Variants in BNIP5 observed in about 807,000 individuals in gnomAD.
BNIP5 encodes protein BNIP5.
A neutral mutation model predicts 67.3 loss-of-function variants in BNIP5; 61 were observed. The ratio of observed to expected loss-of-function variants is 0.91; its 90% confidence interval spans 0.74 to 1.12. The LOEUF (loss-of-function observed/expected upper bound fraction) is 1.12. Among genes scored for constraint, BNIP5 ranks in the 50% most tolerant of loss-of-function variants. The pLI is 0.00. For synonymous variants in BNIP5, 317 were observed against 319.0 expected (o/e 0.99, Z 0.07); for missense variants, 826 against 816.3 (o/e 1.01, Z -0.14).
Position 36,323,295 on chromosome 6 carries a change from A to T in BNIP5, c.1469T>A (p.Leu490His), listed in dbSNP as rs141735134. The change falls in exon 8 of 12, where the codon CTT becomes CAT. Residue 490 changes from leucine to histidine, a missense_variant and splice_region_variant. Leu to His is a moderately conservative substitution (Grantham distance 99, BLOSUM62 -3). Transcript: ENST00000437635. Reference sequence around the variant, plus strand: ...ATGGCAACACCAGGCCTGCTCACCAAGGCTGCTGGAGGTGGAGGGCCGATG... The same window carrying T: ...ATGGCAACACCAGGCCTGCTCACCATGGCTGCTGGAGGTGGAGGGCCGATG... The part of the protein sequence containing the change: ...GGHRPSTSSS[L>H]DPEDLECREP... The T allele has an allele frequency of 9.9e-6, 16 of 1,614,144 alleles. No individual in the cohort carries two copies. The South Asian group carries it at 1.8e-4, about 18-fold the overall frequency.
intron 11 of BNIP5, among the ~76,000 whole-genome samples, chr6:36,317,806 AAATGAATG>A (rs71971570): frequency 3.3e-5 from 5 of 151,682 alleles, no homozygotes; most frequent in Non-Finnish European, 7.4e-5. Context: ...GCTACCAGTT[AAATGAATG>A]AATGAATGAA....
intron 1 of BNIP5, among the ~76,000 whole-genome samples, chr6:36,332,359 C>T (rs1322366543): frequency 2.6e-5 from 4 of 152,086 alleles, no homozygotes; most frequent in African/African-American, 9.7e-5. Flanking sequence ...CCCATCAGCA[C>T]ACCCTTTCCC....
Position 36,316,433 on chromosome 6 carries a change from C to T in BNIP5, c.*923G>A. ...CAAATACAAAAAATAGCCCTTTTCT[C>T]AAGACATGTTACTGCTACCAGCTGC... is the stretch of plus-strand genomic sequence containing the variant. On this transcript the variant is annotated 3_prime_UTR_variant, in exon 12 of 12. Transcript: ENST00000437635. The T allele has an allele frequency of 2.5e-6, 1 of 398,240 alleles. No homozygotes were observed. Among genetic ancestry groups the T allele is most frequent in the Non-Finnish European group, 4.4e-6 (1 of 226,068 alleles). 24.7% of individuals were successfully genotyped at this position (398,240 alleles called of 1,614,324 possible). A position where few individuals can be genotyped will look rare whatever the true frequency, so the allele number is the denominator to read the frequency against.
chr6:36,323,684 G>A lies in BNIP5; in HGVS notation c.1231-151C>T, dbSNP rs1017276622. 3 of 886,810 alleles carry A rather than the reference G, an allele frequency of 3.4e-6. No homozygotes were observed. The East Asian group carries it at 7.4e-5, about 22-fold the overall frequency. 54.9% of individuals were successfully genotyped at this position (886,810 alleles called of 1,614,324 possible). A position where few individuals can be genotyped will look rare whatever the true frequency, so the allele number is the denominator to read the frequency against. ...GCTGGGGAAATATGTGTGGTCTGGA[G>A]GGGGCTGGGGAAGCTTCAAGAAGGA... On this transcript the variant is annotated intron_variant, in intron 7 of 11. Coordinates refer to ENST00000437635, the MANE Select transcript of BNIP5 (RefSeq NM_001010903.5).
At chr6:36,318,722 CA>C (rs1279452456) in intron 11 of BNIP5, among the ~76,000 whole-genome samples, 1 of 150,682 alleles carries the variant, frequency 6.6e-6, no homozygotes, top group African/African-American at 2.4e-5. Context: ...GACCCTGTCT[CA>C]AAAAAAAATC....
In BNIP5 at chr6:36,316,895, G is replaced by A; in HGVS notation, c.*461C>T. 1 of 402,658 alleles carries A rather than the reference G, an allele frequency of 2.5e-6. No homozygotes were observed. The highest frequency in any genetic ancestry group is 4.4e-6 in the Non-Finnish European group (1 of 228,542). 24.9% of individuals were successfully genotyped at this position (402,658 alleles called of 1,614,324 possible). On this transcript the variant is annotated 3_prime_UTR_variant, in exon 12 of 12. Coordinates refer to ENST00000437635, the MANE Select transcript of BNIP5 (RefSeq NM_001010903.5). ...TACTGGTCAACTGAAGAAATGATGG[G>A]ATACACTTCGATGCATATCTGTTTG...
At chr6:36,328,932 C>G (rs1476769736) in intron 2 of BNIP5, among the ~76,000 whole-genome samples, 1 of 152,082 alleles carries the variant, frequency 6.6e-6, no homozygotes, top group Non-Finnish European at 1.5e-5. Flanking sequence ...CTCTCGCTAA[C>G]CCCCTCCCCG....
At chr6:36,328,891 T>C (rs1418364966) in intron 2 of BNIP5, among the ~76,000 whole-genome samples, 177 bp from the exon 3 acceptor site, 3 of 152,108 alleles carry the variant, frequency 2.0e-5, no homozygotes, top group African/African-American at 7.2e-5. Context: ...AGATTTTTAT[T>C]TGAGAAGAGG....
At chr6:36,323,609 C>A (rs1413160161) in intron 7 of BNIP5, 76 bp from the exon 8 acceptor site, 4 of 1,547,228 alleles carry the variant, frequency 2.6e-6, no homozygotes, top group Non-Finnish European at 3.5e-6. Context: ...GGAAAGAGAG[C>A]CACGGTGGGC....
chr6:36,327,146 C>G (rs1554141839), intron 3 of BNIP5, 52 bp from the exon 4 acceptor site: 8 of 1,470,894 alleles, frequency 5.4e-6, no homozygotes, highest in Non-Finnish European at 7.6e-6. Flanking sequence ...ACTGACAACT[C>G]CTTCTAAATT....
In BNIP5 at chr6:36,316,861, A is replaced by T. The variant is rs958482757; in HGVS notation, c.*495T>A. The T allele has an allele frequency of 5.0e-6, 2 of 401,348 alleles. No individual in the cohort carries two copies. The highest frequency in any genetic ancestry group is 8.8e-6 in the Non-Finnish European group (2 of 227,842). The allele number at this position is 401,348 out of a possible 1,614,324, so 24.9% of individuals were successfully genotyped here. A position where few individuals can be genotyped will look rare whatever the true frequency, so the allele number is the denominator to read the frequency against. On this transcript the variant is annotated 3_prime_UTR_variant, in exon 12 of 12. Coordinates refer to ENST00000437635, the MANE Select transcript of BNIP5 (RefSeq NM_001010903.5). ...GAGGCATCTACAAATCCATATGAGC[A>T]TGAAGAACTACTGGTCAACTGAAGA...
intron 1 of BNIP5, among the ~76,000 whole-genome samples, chr6:36,335,097 A>G (rs1771984970): frequency 6.6e-6 from 1 of 152,200 alleles, no homozygotes; most frequent in Non-Finnish European, 1.5e-5. Flanking sequence ...AACAGCAACA[A>G]AGAACCAGAG....
At chr6:36,320,848 C>T (rs916006681) in intron 10 of BNIP5, among the ~76,000 whole-genome samples, 9 of 152,208 alleles carry the variant, frequency 5.9e-5, no homozygotes, top group South Asian at 2.1e-4. Flanking sequence ...CTTCCAAGGA[C>T]GGGGGACATG....
intron 2 of BNIP5, 64 bp from the exon 3 acceptor site, chr6:36,328,778 CCTGA>C (rs535678118): frequency 0.012 from 11,374 of 985,484 alleles, 107 homozygotes; most frequent in Middle Eastern, 0.014. Flanking sequence ...GTGACATTCT[CCTGA>C]CTTTGTTCAT....
chr6:36,324,090 A>G, intron 7 of BNIP5, 39 bp downstream of exon 7: 1 of 1,538,640 alleles, frequency 6.5e-7, no homozygotes, highest in Non-Finnish European at 9.0e-7. Flanking sequence ...TGGGGAGCCC[A>G]CAGTGAGGTC....
At chr6:36,329,939 A>AGGGAGGAAGGGT in intron 2 of BNIP5, 142 bp downstream of exon 2, 2 of 804,298 alleles carry the variant, frequency 2.5e-6, no homozygotes, top group Non-Finnish European at 3.9e-6. Flanking sequence ...GGAGGAAGGG[A>AGGGAGGAAGGGT]GGGAGGAAGG....
intron 1 of BNIP5, among the ~76,000 whole-genome samples, chr6:36,332,955 T>G (rs907175572): frequency 6.6e-6 from 1 of 152,250 alleles, no homozygotes; most frequent in Non-Finnish European, 1.5e-5. Context: ...ATTATAGCTT[T>G]AGCATGCATT....
chr6:36,324,571 GATATTATATATATAT>G (rs1771712737), intron 6 of BNIP5, among the ~76,000 whole-genome samples: 7 of 74,242 alleles, frequency 9.4e-5, no homozygotes, highest in South Asian at 4.9e-4. Flanking sequence ...ACCTGACGGT[GATATTATATATATAT>G]ATATATATAT....
intron 2 of BNIP5, 60 bp from the exon 3 acceptor site, chr6:36,328,774 T>C (rs1366287634): frequency 5.0e-6 from 5 of 994,188 alleles, no homozygotes; most frequent in African/African-American, 4.8e-5. Context: ...GTCAGTGACA[T>C]TCTCCTGACT....
Sources: allele counts gnomAD v4.1 joint callset (sites outside exome capture counted in the v4.1 genomes callset), GRCh38; gene constraint gnomAD v4.1.1; transcripts MANE v1.5; gene names NCBI Gene and HGNC (gene_info 2026-07-23, HGNC 2026-07-21).